The following BTBD10 variants were observed in gnomAD, a reference collection of about 807,000 sequenced individuals.
BTBD10 encodes BTB domain containing 10.
BTBD10 carries 21 observed loss-of-function variants against 53.2 expected under a neutral mutation model. The observed-to-expected ratio is 0.39, with a 90% CI of 0.28 to 0.57. The LOEUF (loss-of-function observed/expected upper bound fraction) is 0.57, where lower values mean the gene tolerates loss of function less well. BTBD10 is among the 20% of genes least tolerant of loss of function. BTBD10 has a pLI of 0.53. For missense variants in BTBD10, 360 were observed against 594.7 expected (o/e 0.61, Z 4.10); for synonymous variants, 149 against 192.7 (o/e 0.77, Z 1.88).
chr11:13,445,520 T>C (rs1296004015), intron 1 of BTBD10, among the ~76,000 whole-genome samples: 1 of 152,192 alleles, frequency 6.6e-6, no homozygotes, highest in African/African-American at 2.4e-5. Context: ...TTCCACAGAA[T>C]GATTATTTTA....
chr11:13,391,712 A>C (rs987422701), intron 8 of BTBD10, among the ~76,000 whole-genome samples: 1 of 152,222 alleles, frequency 6.6e-6, no homozygotes, highest in Non-Finnish European at 1.5e-5. Flanking sequence ...TTGGGAGGCC[A>C]AGGCAGGCGG....
chr11:13,400,512 C>T (rs142074501), intron 8 of BTBD10, among the ~76,000 whole-genome samples: 16,042 of 152,280 alleles, frequency 0.11, 953 homozygotes, highest in Middle Eastern at 0.15. Context: ...GGCGATGCCT[C>T]GCCCTGCTTC....
intron 8 of BTBD10, among the ~76,000 whole-genome samples, chr11:13,394,791 G>A (rs150249592): frequency 0.15 from 22,712 of 151,114 alleles, 1,961 homozygotes; most frequent in Admixed American, 0.24. Context: ...GAGACCATGC[G>A]GTGTTTGGCT....
chr11:13,434,842 T>C (rs999552164), intron 2 of BTBD10, among the ~76,000 whole-genome samples: 1 of 152,184 alleles, frequency 6.6e-6, no homozygotes, highest in African/African-American at 2.4e-5. Flanking sequence ...TTTTGAAGAA[T>C]ATGCCTCTGA....
intron 1 of BTBD10, among the ~76,000 whole-genome samples, chr11:13,461,915 AT>A (rs2134074488): frequency 6.6e-6 from 1 of 151,616 alleles, no homozygotes; most frequent in East Asian, 1.9e-4. Flanking sequence ...ATCATCAGAA[AT>A]AATTCTTCTC....
chr11:13,417,305 T>C (rs750799784), intron 4 of BTBD10, 45 bp from the exon 5 acceptor site: 1 of 1,347,996 alleles, frequency 7.4e-7, no homozygotes, highest in Non-Finnish European at 1.0e-6. Flanking sequence ...GAATACTTCC[T>C]TCAAAAGGGA....
chr11:13,403,414 T>C (rs922183253), intron 7 of BTBD10, 136 bp from the exon 8 acceptor site: 4 of 486,400 alleles, frequency 8.2e-6, no homozygotes, highest in Non-Finnish European at 1.4e-5. Flanking sequence ...AAAGGATGAC[T>C]AGCCAACATG....
At chr11:13,426,686 T>C (rs1950345422) in intron 2 of BTBD10, among the ~76,000 whole-genome samples, 1 of 151,820 alleles carries the variant, frequency 6.6e-6, no homozygotes, top group Non-Finnish European at 1.5e-5. Flanking sequence ...CTGTTAATAC[T>C]AAAGCAACCA....
chr11:13,412,317 G>C (rs79323884), intron 6 of BTBD10, among the ~76,000 whole-genome samples: 2 of 152,182 alleles, frequency 1.3e-5, no homozygotes, highest in South Asian at 4.1e-4. Flanking sequence ...GCCAGGTGTG[G>C]TGATGGGTGC....
chr11:13,403,986 C>T (rs946492899), intron 7 of BTBD10, among the ~76,000 whole-genome samples: 6 of 152,078 alleles, frequency 3.9e-5, no homozygotes, highest in Non-Finnish European at 7.4e-5. Flanking sequence ...TTCTCTCTTT[C>T]GGGTTGAGTT....
At position 13,388,217 on chromosome 11, in the gene BTBD10, GACTC is replaced by G. The variant is rs1416182341; in HGVS notation, c.*610_*613del. 1.3e-5 allele frequency: 2 copies of G among 152,676 alleles called. No homozygotes were observed. The highest frequency in any genetic ancestry group is 2.4e-5 in the African/African-American group (1 of 41,414). 9.5% of individuals were successfully genotyped at this position (152,676 alleles called of 1,614,324 possible). A position where few individuals can be genotyped will look rare whatever the true frequency, so the allele number is the denominator to read the frequency against. ...TCTGACATTCACACTCCCTGCATGT[GACTC>G]ACTCTAAAGGGTGAAATGGCTCTGG... On this transcript the variant is annotated 3_prime_UTR_variant, in exon 9 of 9. Coordinates refer to ENST00000278174, the MANE Select transcript of BTBD10 (RefSeq NM_032320.7).
intron 2 of BTBD10, among the ~76,000 whole-genome samples, chr11:13,435,377 C>G (rs1261903847): frequency 1.3e-5 from 2 of 152,000 alleles, no homozygotes; most frequent in African/African-American, 4.8e-5. Flanking sequence ...ATTTTTCAAG[C>G]AATGCTTTTA....
intron 2 of BTBD10, among the ~76,000 whole-genome samples, chr11:13,434,789 G>T (rs958402218): frequency 2.0e-5 from 3 of 152,168 alleles, no homozygotes; most frequent in African/African-American, 7.2e-5. Context: ...ACTTGGACCA[G>T]TGTTATGGCA....
At chr11:13,411,585 C>T (rs756624138) in intron 6 of BTBD10, among the ~76,000 whole-genome samples, 123 of 152,146 alleles carry the variant, frequency 8.1e-4, no homozygotes, top group Non-Finnish European at 1.4e-3. Flanking sequence ...ACATATTTTA[C>T]ATAAAACCCT....
intron 8 of BTBD10, among the ~76,000 whole-genome samples, chr11:13,399,820 C>G (rs554035375): frequency 3.3e-5 from 5 of 152,226 alleles, no homozygotes; most frequent in African/African-American, 1.2e-4. Flanking sequence ...CACTCCAGAC[C>G]CTGTTTACCT....
chr11:13,427,040 A>T (rs1591138952), intron 2 of BTBD10, among the ~76,000 whole-genome samples: 1 of 152,134 alleles, frequency 6.6e-6, no homozygotes, highest in East Asian at 1.9e-4. Flanking sequence ...AACGTGGCAA[A>T]GCCTCATCTC....
At position 13,446,143 on chromosome 11, in the gene BTBD10, T is replaced by C. The variant is rs185723113; in HGVS notation, c.-57-962A>G. 3.8e-3 allele frequency among the ~76,000 whole-genome samples: 575 copies of C among 152,234 alleles called. 1 individual carries two copies. Among genetic ancestry groups the C allele is most frequent in the Non-Finnish European group, 5.8e-3 (396 of 67,996 alleles). ...TGCAGACACCAAAAGAGAAACCAAA[T>C]GAAGTTAAACAATTTAAACAAAGCT... On this transcript the variant is annotated intron_variant, in intron 1 of 8. Transcript: ENST00000278174.
chr11:13,428,994 T>A (rs1950398306), intron 2 of BTBD10, among the ~76,000 whole-genome samples: 1 of 152,112 alleles, frequency 6.6e-6, no homozygotes, highest in African/African-American at 2.4e-5. Flanking sequence ...AAAATTGAAA[T>A]TTTAAAAACA....
intron 7 of BTBD10, among the ~76,000 whole-genome samples, chr11:13,404,970 G>A (rs544505460): frequency 2.0e-5 from 3 of 152,118 alleles, no homozygotes; most frequent in South Asian, 2.1e-4. Context: ...GAAGATGCTA[G>A]GCTATTTTAT....
Sources: allele counts gnomAD v4.1 joint callset (sites outside exome capture counted in the v4.1 genomes callset), GRCh38; gene constraint gnomAD v4.1.1; transcripts MANE v1.5; gene names NCBI Gene and HGNC (gene_info 2026-07-23, HGNC 2026-07-21).